Variants in ELSPBP1 observed in about 807,000 individuals in gnomAD.
The protein encoded by ELSPBP1 is epididymal sperm binding protein 1, also known as epididymal sperm-binding protein 1.
Under a neutral mutation model 33.3 loss-of-function variants are expected in ELSPBP1, and 38 were observed. The ratio of observed to expected loss-of-function variants is 1.14; its 90% CI spans 0.88 to 1.50. The LOEUF (loss-of-function observed/expected upper bound fraction) is 1.50, where lower values mean the gene tolerates loss of function less well. Among genes scored for constraint, ELSPBP1 ranks in the 40% most tolerant of loss-of-function variants. The pLI is 0.00. For missense variants in ELSPBP1, 267 were observed against 263.5 expected, an observed-to-expected ratio of 1.01 and a Z score of -0.09; for synonymous variants, 85 against 94.1, an observed-to-expected ratio of 0.90 and a Z score of 0.56.
chr19:48,006,463 A>G (rs1967018124), intron 1 of ELSPBP1, among the ~76,000 whole-genome samples: 1 of 151,712 alleles, frequency 6.6e-6, no homozygotes, highest in Non-Finnish European at 1.5e-5. Context: ...AAAATACAGA[A>G]ATTAGCCAGG....
Position 48,019,722 on chromosome 19 carries a change from A to G in ELSPBP1, c.359A>G (p.Tyr120Cys). Reference sequence around the variant, plus strand: ...ACCTTTCCATAATCCTTTTCAGAGTATGGGGGAAATTCTCTCAGGAAGCCC... The same window carrying G: ...ACCTTTCCATAATCCTTTTCAGAGTGTGGGGGAAATTCTCTCAGGAAGCCC... ...QQWKFCETNEYGGNSLRKPCI... is the reference protein window; with the variant it reads ...QQWKFCETNECGGNSLRKPCI... Residue 120 changes from tyrosine (Y) to cysteine (C), a missense_variant, in exon 5 of 7, where the codon TAT (tyrosine) becomes TGT (cysteine). Physicochemically the swap from Tyr to Cys is radical, Grantham distance 194. Coordinates refer to ENST00000339841, the MANE Select transcript of ELSPBP1 (RefSeq NM_022142.5). The G allele has an allele frequency of 1.2e-6, 2 of 1,613,410 alleles. No homozygotes were observed. The highest frequency in any genetic ancestry group is 2.2e-5 in the East Asian group (1 of 44,862).
intron 2 of ELSPBP1, 148 bp downstream of exon 2, chr19:48,008,885 C>T: frequency 1.5e-6 from 1 of 651,466 alleles, no homozygotes; most frequent in South Asian, 1.9e-5. Flanking sequence ...CCTGTAATCC[C>T]AGCACTTTGC....
At chr19:47,999,353 A>AACTTGTC (rs1731042817) in intron 1 of ELSPBP1, among the ~76,000 whole-genome samples, 1 of 151,008 alleles carries the variant, frequency 6.6e-6, no homozygotes, top group Admixed American at 6.6e-5. Context: ...TATTTCCAGG[A>AACTTGTC]ACTTGTCACC....
chr19:48,020,826 G>A (rs1411797822), intron 5 of ELSPBP1, among the ~76,000 whole-genome samples: 1 of 152,222 alleles, frequency 6.6e-6, no homozygotes. Flanking sequence ...CCAGTGGAAA[G>A]GAAAGGGAAG....
chr19:48,014,127 A>G (rs1967105338), intron 2 of ELSPBP1, 44 bp from the exon 3 acceptor site: 4 of 1,600,452 alleles, frequency 2.5e-6, no homozygotes, highest in Non-Finnish European at 3.4e-6. Context: ...TTGCTAATTC[A>G]TCGTGATTCT....
rs1390124518 is a variant in ELSPBP1 at position 48,005,212 on chromosome 19, A to T, written c.-17-3439A>T. Among the ~76,000 whole-genome samples, 9 of 152,206 alleles carry T rather than the reference A, an allele frequency of 5.9e-5. No individual in the cohort carries two copies. The East Asian group carries it at 1.7e-3, about 29-fold the overall frequency. On this transcript the variant is annotated intron_variant, in intron 1 of 6. Coordinates refer to ENST00000339841, the MANE Select transcript of ELSPBP1 (RefSeq NM_022142.5). ...AGCAAGACCCTGTCTCAAAAAAAAAAAGAAAAGAAAAAAGAAAAAAACAAA... is the reference window on the plus strand; with the variant it reads ...AGCAAGACCCTGTCTCAAAAAAAAATAGAAAAGAAAAAAGAAAAAAACAAA...
chr19:48,022,134 G>A, intron 5 of ELSPBP1, 36 bp from the exon 6 acceptor site: 5 of 1,589,726 alleles, frequency 3.1e-6, no homozygotes, highest in Non-Finnish European at 4.3e-6. Flanking sequence ...TGAAGCCTGA[G>A]GAGTAACCTT....
At chr19:48,019,452 A>T (rs73567216) in intron 4 of ELSPBP1, among the ~76,000 whole-genome samples, 5,045 of 152,286 alleles carry the variant, frequency 0.033, 275 homozygotes, top group African/African-American at 0.12. Context: ...CCTGGGCAAG[A>T]ATTTCCTAGC....
At chr19:48,024,168 G>A (rs1399618503) in intron 6 of ELSPBP1, among the ~76,000 whole-genome samples, 1 of 152,004 alleles carries the variant, frequency 6.6e-6, no homozygotes, top group Non-Finnish European at 1.5e-5. Flanking sequence ...ACAGGCGTGA[G>A]TCACTGTACC....
chr19:48,012,127 C>CTGTTT (rs1401975340), intron 2 of ELSPBP1, among the ~76,000 whole-genome samples: 2 of 151,670 alleles, frequency 1.3e-5, no homozygotes, highest in Non-Finnish European at 2.9e-5. Flanking sequence ...TTGTTTTGTT[C>CTGTTT]TGTTTTGTTT....
At chr19:48,017,239 C>T (rs955128360) in intron 4 of ELSPBP1, among the ~76,000 whole-genome samples, 2 of 152,108 alleles carry the variant, frequency 1.3e-5, no homozygotes, top group African/African-American at 2.4e-5. Flanking sequence ...GGCAGTTATT[C>T]GTAGGCATGC....
chr19:48,016,040 G>A lies in ELSPBP1; in HGVS notation c.355+1G>A, dbSNP rs768818411. ...CAGTGGAAATTCTGTGAAACGAATG[G>A]TGAGCCCCTGTAGCAGGGATGGGAT... is the stretch of plus-strand genomic sequence containing the variant. On this transcript the variant is annotated splice_donor_variant, in intron 4 of 6. Transcript: ENST00000339841. LOFTEE classifies it high-confidence loss of function. 7 of 1,612,974 alleles carry A rather than the reference G, an allele frequency of 4.3e-6. No individual in the cohort carries two copies. Among genetic ancestry groups the A allele is most frequent in the South Asian group, 1.1e-5 (1 of 90,990 alleles).
chr19:47,994,869 T>C (rs183131440), intron 1 of ELSPBP1, 58 bp downstream of exon 1: 3 of 152,088 alleles, frequency 2.0e-5, no homozygotes, highest in Non-Finnish European at 4.4e-5. Context: ...AGGGCCCCCA[T>C]AGCAAAGAAG....
rs921312505 is a variant in ELSPBP1 at position 48,024,943 on chromosome 19, A to G, written c.*8-9A>G. Reference sequence around the variant, plus strand: ...TCATTAAACTCAGATCTTTGCTTCTATTTTCAAGGAAAGGAGAAATATCTT... The same window carrying G: ...TCATTAAACTCAGATCTTTGCTTCTGTTTTCAAGGAAAGGAGAAATATCTT... On this transcript the variant is annotated splice_polypyrimidine_tract_variant and intron_variant, in intron 6 of 6. Coordinates refer to ENST00000339841, the MANE Select transcript of ELSPBP1 (RefSeq NM_022142.5). The G allele has an allele frequency of 2.0e-5, 3 of 152,202 alleles. No homozygotes were observed. Among genetic ancestry groups the G allele is most frequent in the Admixed American group, 6.5e-5 (1 of 15,284 alleles). 9.4% of individuals were successfully genotyped at this position (152,202 alleles called of 1,614,324 possible). A position where few individuals can be genotyped will look rare whatever the true frequency, so the allele number is the denominator to read the frequency against.
intron 1 of ELSPBP1, among the ~76,000 whole-genome samples, chr19:48,001,096 G>A (rs542806299): frequency 1.3e-5 from 2 of 151,924 alleles, no homozygotes; most frequent in South Asian, 4.2e-4. Context: ...TCTTTGGCTC[G>A]TGGCCTCTTC....
At chr19:48,021,409 T>C (rs1311469732) in intron 5 of ELSPBP1, among the ~76,000 whole-genome samples, 2 of 25,248 alleles carry the variant, frequency 7.9e-5, no homozygotes, top group Non-Finnish European at 1.6e-4. Flanking sequence ...ATTTTTTAGT[T>C]TTTTTTTTTT....
In ELSPBP1 at chr19:48,008,735, G is replaced by A. The variant is rs1457467059; in HGVS notation, c.68G>A (p.Gly23Glu). 1.2e-6 allele frequency: 2 copies of A among 1,613,288 alleles called. No individual in the cohort carries two copies. Among genetic ancestry groups the A allele is most frequent in the South Asian group, 1.1e-5 (1 of 90,976 alleles). ...CTTCTCTATTCCTATGAGTCAAGTG[G>A]AGGTAAGGACACTCAAAGCAACAGG... ...TFLLYSYESS[G>E]GMHEECVFPF... Residue 23 changes from glycine to glutamate, a missense_variant and splice_region_variant, in exon 2 of 7, where the codon GGA becomes GAA. Coordinates refer to ENST00000339841, the MANE Select transcript of ELSPBP1 (RefSeq NM_022142.5).
At chr19:48,008,592 AG>A in intron 1 of ELSPBP1, 58 bp from the exon 2 acceptor site, 3 of 1,179,658 alleles carry the variant, frequency 2.5e-6, no homozygotes, top group Non-Finnish European at 3.7e-6. Context: ...CAAATCTAGG[AG>A]GTAATGGGAA....
intron 3 of ELSPBP1, among the ~76,000 whole-genome samples, chr19:48,015,006 C>A (rs1244743135): frequency 6.6e-6 from 1 of 152,004 alleles, no homozygotes; most frequent in Non-Finnish European, 1.5e-5. Flanking sequence ...GCCTGTAATC[C>A]CAGCAAAACT....
Sources: gnomAD v4.1 joint callset for allele counts (sites outside exome capture counted in the v4.1 genomes callset) on GRCh38, gnomAD v4.1.1 for gene constraint, MANE v1.5 for transcripts, NCBI Gene and HGNC (gene_info 2026-07-23, HGNC 2026-07-21) for gene names.